Variants in TMEM132D observed in about 807,000 individuals in gnomAD.
The protein encoded by TMEM132D is mature OL transmembrane protein.
Under a neutral mutation model 62.3 loss-of-function variants are expected in TMEM132D, and 21 were observed. That is an observed-to-expected ratio of 0.34 (90% CI 0.24 to 0.49). TMEM132D has a LOEUF of 0.49. Ranked by LOEUF, TMEM132D falls within the 20% of genes least tolerant of loss-of-function variation. The probability of loss-of-function intolerance (pLI) is 0.99; values close to 1 mark genes in which losing one functional copy is unlikely to be tolerated. For missense variants in TMEM132D, 1,346 were observed against 1,402.8 expected, an observed-to-expected ratio of 0.96 and a Z score of 0.65; for synonymous variants, 621 against 575.6, an observed-to-expected ratio of 1.08 and a Z score of -1.13.
intron 1 of TMEM132D, among the ~76,000 whole-genome samples, chr12:129,901,373 A>C (rs985017395): frequency 4.6e-5 from 7 of 152,162 alleles, no homozygotes; most frequent in African/African-American, 1.2e-4. Context: ...CAATTTGCTA[A>C]TAGGGGTGTT....
intron 3 of TMEM132D, among the ~76,000 whole-genome samples, chr12:129,425,892 G>A (rs537973778): frequency 3.9e-5 from 6 of 152,308 alleles, no homozygotes; most frequent in South Asian, 2.1e-4. Context: ...ATGGAGCAAC[G>A]AGCCAACATG....
At chr12:129,438,468 A>G (rs1006784158) in intron 3 of TMEM132D, among the ~76,000 whole-genome samples, 4 of 152,244 alleles carry the variant, frequency 2.6e-5, no homozygotes, top group African/African-American at 9.6e-5. Flanking sequence ...TTTATAAAAA[A>G]CATAGATACA....
At chr12:129,173,676 C>T (rs989168175) in intron 5 of TMEM132D, among the ~76,000 whole-genome samples, 22 of 152,256 alleles carry the variant, frequency 1.4e-4, no homozygotes, top group South Asian at 6.2e-4. Flanking sequence ...CTTTTTATCT[C>T]GATAATACCA....
chr12:129,859,734 T>G (rs1299306742), intron 1 of TMEM132D, among the ~76,000 whole-genome samples: 1 of 152,178 alleles, frequency 6.6e-6, no homozygotes, highest in African/African-American at 2.4e-5. Flanking sequence ...TGCCCCAGAC[T>G]CCAGGTTCTT....
At chr12:129,813,607 A>C in intron 1 of TMEM132D, among the ~76,000 whole-genome samples, 1 of 54,530 alleles carries the variant, frequency 1.8e-5, no homozygotes, top group East Asian at 1.0e-3. Context: ...GATACAGAAA[A>C]TGTGATATAT....
chr12:129,437,506 C>T (rs1387041099), intron 3 of TMEM132D, among the ~76,000 whole-genome samples: 1 of 152,186 alleles, frequency 6.6e-6, no homozygotes, highest in African/African-American at 2.4e-5. Context: ...CGTTTTCATA[C>T]TTCTCAAATT....
At chr12:129,198,787 C>T (rs1225183326) in intron 5 of TMEM132D, among the ~76,000 whole-genome samples, 2 of 152,108 alleles carry the variant, frequency 1.3e-5, no homozygotes, top group Admixed American at 6.5e-5. Context: ...TAAATTTCAA[C>T]TGTCCTCACT....
intron 4 of TMEM132D, among the ~76,000 whole-genome samples, chr12:129,276,428 A>C (rs1881009653): frequency 6.6e-6 from 1 of 152,206 alleles, no homozygotes; most frequent in African/African-American, 2.4e-5. Context: ...GCTACTTATA[A>C]GCCAGGGATT....
intron 3 of TMEM132D, among the ~76,000 whole-genome samples, chr12:129,464,211 T>A (rs1873799880): frequency 6.6e-6 from 1 of 152,142 alleles, no homozygotes. Flanking sequence ...TGATTTGCAT[T>A]TCTCTGATGG....
intron 4 of TMEM132D, 57 bp downstream of exon 4, chr12:129,337,577 C>G (rs538704227): frequency 1.2e-6 from 2 of 1,603,448 alleles, no homozygotes; most frequent in Non-Finnish European, 1.7e-6. Flanking sequence ...AGTGCGGCGC[C>G]GGCGCCTTCC....
chr12:129,609,967 T>C (rs1463711049), intron 2 of TMEM132D, among the ~76,000 whole-genome samples: 1 of 151,992 alleles, frequency 6.6e-6, no homozygotes, highest in Non-Finnish European at 1.5e-5. Context: ...TAGGACTAAA[T>C]AAAGTGAAAA....
At chr12:129,577,229 A>G (rs1472165617) in intron 2 of TMEM132D, among the ~76,000 whole-genome samples, 4 of 151,852 alleles carry the variant, frequency 2.6e-5, no homozygotes. Flanking sequence ...GCACACAGGG[A>G]TTTAAGCAGA....
At chr12:129,257,830 T>C (rs1176826652) in intron 4 of TMEM132D, among the ~76,000 whole-genome samples, 5 of 152,162 alleles carry the variant, frequency 3.3e-5, no homozygotes, top group African/African-American at 1.2e-4. Flanking sequence ...GGCATGGAGA[T>C]AACTCTGAGA....
chr12:129,584,412 T>A (rs1320593341), intron 2 of TMEM132D, among the ~76,000 whole-genome samples: 1 of 152,240 alleles, frequency 6.6e-6, no homozygotes, highest in Non-Finnish European at 1.5e-5. Context: ...GCAAGAGGCA[T>A]AATTTGCCAC....
chr12:129,657,298 G>A (rs1035596334), intron 2 of TMEM132D, among the ~76,000 whole-genome samples: 1 of 152,204 alleles, frequency 6.6e-6, no homozygotes, highest in Non-Finnish European at 1.5e-5. Flanking sequence ...GCTGAACAGA[G>A]GTAGCTGGCA....
chr12:129,374,617 G>A (rs1215532136), intron 3 of TMEM132D, among the ~76,000 whole-genome samples: 1 of 152,086 alleles, frequency 6.6e-6, no homozygotes, highest in East Asian at 1.9e-4. Flanking sequence ...AGGAAACAAG[G>A]TGCCACCCAA....
intron 2 of TMEM132D, among the ~76,000 whole-genome samples, chr12:129,626,876 T>C (rs1471197487): frequency 6.6e-6 from 1 of 152,190 alleles, no homozygotes; most frequent in Non-Finnish European, 1.5e-5. Flanking sequence ...AAGAGCAGTA[T>C]CCATGGCCCC....
At chr12:129,156,006 TAACA>T (rs912883964) in intron 5 of TMEM132D, among the ~76,000 whole-genome samples, 6 of 151,444 alleles carry the variant, frequency 4.0e-5, no homozygotes, top group African/African-American at 1.5e-4. Flanking sequence ...ACTCCTGTGA[TAACA>T]AACTCCCAAA....
intron 5 of TMEM132D, among the ~76,000 whole-genome samples, chr12:129,096,001 G>A (rs564931485): frequency 1.1e-4 from 16 of 152,166 alleles, no homozygotes; most frequent in Non-Finnish European, 1.9e-4. Context: ...GGCTAGCTGG[G>A]AACCCAGGGG....
Sources: gnomAD v4.1 joint callset for allele counts (sites outside exome capture counted in the v4.1 genomes callset) on GRCh38, gnomAD v4.1.1 for gene constraint, MANE v1.5 for transcripts, NCBI Gene and HGNC (gene_info 2026-07-23, HGNC 2026-07-21) for gene names.